The following CFTR variants were observed in gnomAD, a reference collection of about 807,000 sequenced individuals.
CFTR encodes the protein cystic fibrosis transmembrane conductance regulator.
CFTR carries 181 observed loss-of-function variants against 171.6 expected under a neutral mutation model. The observed-to-expected ratio is 1.05, with a 90% CI of 0.93 to 1.19. The LOEUF is 1.19. CFTR is among the 50% of genes most tolerant of loss of function. The probability of loss-of-function intolerance (pLI) is 0.00; values close to 1 mark genes in which losing one functional copy is unlikely to be tolerated. For synonymous variants in CFTR, 583 were observed against 608.0 expected (o/e 0.96, Z 0.60); for missense variants, 1,968 against 1,734.7 (o/e 1.13, Z -2.39).
intron 1 of CFTR, among the ~76,000 whole-genome samples, chr7:117,490,566 G>T (rs1798145591): frequency 6.6e-6 from 1 of 151,982 alleles, no homozygotes; most frequent in African/African-American, 2.4e-5. Flanking sequence ...CTTTATTAGT[G>T]AGGGCAATCT....
At chr7:117,562,344 A>C (rs1398944789) in intron 11 of CFTR, among the ~76,000 whole-genome samples, 1 of 152,178 alleles carries the variant, frequency 6.6e-6, no homozygotes, top group African/African-American at 2.4e-5. Context: ...CCAAAGTATT[A>C]TGAAAAAGCA....
chr7:117,541,543 T>A (rs1357431595), intron 8 of CFTR, among the ~76,000 whole-genome samples: 1 of 152,178 alleles, frequency 6.6e-6, no homozygotes, highest in Admixed American at 6.5e-5. Context: ...AGAATCACAG[T>A]TTGATGCCTT....
chr7:117,535,780 C>T (rs989572608), intron 6 of CFTR, among the ~76,000 whole-genome samples: 1 of 152,064 alleles, frequency 6.6e-6, no homozygotes, highest in South Asian at 2.1e-4. Context: ...GTGATCCGCC[C>T]ACCTCGGCCT....
rs184960129 is a variant in CFTR at position 117,661,139 on chromosome 7, A to G, written c.3964-3549A>G. Among the ~76,000 whole-genome samples, 20 of 152,348 alleles carry G rather than the reference A, an allele frequency of 1.3e-4. No homozygotes were observed. The East Asian group carries it at 3.7e-3, about 28-fold the overall frequency. On this transcript the variant is annotated intron_variant, in intron 24 of 26. Coordinates refer to ENST00000003084, the MANE Select transcript of CFTR (RefSeq NM_000492.4). Reference sequence around the variant, plus strand: ...AACCTATTAGCATGTCTGGCAGAAAATAGATACTTAATAAATTTCTTAAAT... The same window carrying G: ...AACCTATTAGCATGTCTGGCAGAAAGTAGATACTTAATAAATTTCTTAAAT...
intron 21 of CFTR, among the ~76,000 whole-genome samples, chr7:117,624,714 G>A (rs1355906577): frequency 6.6e-6 from 1 of 152,132 alleles, no homozygotes; most frequent in African/African-American, 2.4e-5. Flanking sequence ...GGTGAGGAGA[G>A]TGACTGCTTC....
chr7:117,653,052 G>C (rs1345415350), intron 24 of CFTR, 121 bp downstream of exon 24: 2 of 741,460 alleles, frequency 2.7e-6, no homozygotes, highest in Non-Finnish European at 5.0e-6. Flanking sequence ...ACTTTAAAAT[G>C]GAGTACCCTA....
chr7:117,519,341 C>A (rs1798649740), intron 3 of CFTR, among the ~76,000 whole-genome samples: 1 of 152,000 alleles, frequency 6.6e-6, no homozygotes, highest in South Asian at 2.1e-4. Flanking sequence ...AGCCCAAAAA[C>A]TATTGTCAGA....
intron 15 of CFTR, among the ~76,000 whole-genome samples, chr7:117,601,545 T>G (rs1431581123): frequency 6.6e-6 from 1 of 152,158 alleles, no homozygotes; most frequent in Admixed American, 6.5e-5. Flanking sequence ...CTGTTAAATA[T>G]TTAAGGCAAA....
intron 11 of CFTR, chr7:117,560,593 G>C (rs947494705): frequency 6.6e-6 from 1 of 151,882 alleles, no homozygotes; most frequent in Non-Finnish European, 1.5e-5. Flanking sequence ...TTATAAAAAG[G>C]GTTGCATGCT....
rs1003216212 is a variant in CFTR, at chr7:117,540,460, C to A, written c.1116+114C>A. On this transcript the variant is annotated intron_variant, in intron 8 of 26. Transcript: ENST00000003084. ...AAGATAGAAAAAGAAATTTCCTTCA[C>A]TAGGAAGTTATAAAAGTTGCCAGCT... The A allele has an allele frequency of 3.1e-6, 3 of 981,692 alleles. No homozygotes were observed. In the African/African-American group the frequency reaches 4.9e-5, roughly 16 times the overall value. 60.8% of individuals were successfully genotyped at this position (981,692 alleles called of 1,614,324 possible).
At chr7:117,511,716 A>G (rs1466964294) in intron 3 of CFTR, among the ~76,000 whole-genome samples, 1 of 152,240 alleles carries the variant, frequency 6.6e-6, no homozygotes, top group African/African-American at 2.4e-5. Context: ...CGCTGACACC[A>G]TGCAGTTTTA....
At chr7:117,509,933 A>G (rs1008780391) in intron 3 of CFTR, among the ~76,000 whole-genome samples, 4 of 152,106 alleles carry the variant, frequency 2.6e-5, no homozygotes, top group Admixed American at 2.6e-4. Flanking sequence ...TTGTGTTTAT[A>G]TTGGTCTTTA....
chr7:117,491,498 G>A (rs572754794), intron 1 of CFTR, among the ~76,000 whole-genome samples: 2 of 152,048 alleles, frequency 1.3e-5, no homozygotes, highest in African/African-American at 4.8e-5. Context: ...CAAGATCAAG[G>A]TGTTGGCAGG....
At chr7:117,520,265 GTT>G (rs200994526) in intron 3 of CFTR, among the ~76,000 whole-genome samples, 18 of 122,902 alleles carry the variant, frequency 1.5e-4, no homozygotes, top group Non-Finnish European at 2.1e-4. Flanking sequence ...TTTCTAGTGA[GTT>G]TTTTTTTTTT....
Position 117,498,768 on chromosome 7 carries a change from A to C in CFTR, c.54-5485A>C, listed in dbSNP as rs546771544. Among the ~76,000 whole-genome samples, 16 of 152,052 alleles carry C rather than the reference A, an allele frequency of 1.1e-4. 1 individual carries two copies. Among genetic ancestry groups the C allele is most frequent in the African/African-American group, 2.4e-4 (10 of 41,490 alleles). ...CTAGAAGTTTGGGATTTATGATCAC[A>C]ATCTTTTCCAATGAGTCCCCTCTTT... is the stretch of plus-strand genomic sequence containing the variant. On this transcript the variant is annotated intron_variant, in intron 1 of 26. Coordinates refer to ENST00000003084, the MANE Select transcript of CFTR (RefSeq NM_000492.4).
chr7:117,501,511 C>T (rs1337521907), intron 1 of CFTR, among the ~76,000 whole-genome samples: 2 of 151,602 alleles, frequency 1.3e-5, no homozygotes, highest in African/African-American at 2.4e-5. Context: ...TTTGGGAGAC[C>T]GAGGCAGGTG....
chr7:117,559,543 G>A lies in CFTR; in HGVS notation c.1472G>A (p.Cys491Tyr). Residue 491 changes from cysteine (C) to tyrosine (Y), a missense_variant, in exon 11 of 27, where the codon TGT becomes TAT. By Grantham distance (194) the Cys-to-Tyr change is radical (BLOSUM62 -2). Coordinates refer to ENST00000003084, the MANE Select transcript of CFTR (RefSeq NM_000492.4). The stretch of plus-strand genomic sequence containing the variant: ...AAGCACAGTGGAAGAATTTCATTCT[G>A]TTCTCAGTTTTCCTGGATTATGCCT... ...KIKHSGRISF[C>Y]SQFSWIMPGT... is the part of the protein sequence containing the mutation. 6.2e-7 allele frequency: 1 copy of A among 1,611,894 alleles called. No homozygotes were observed. Among genetic ancestry groups the A allele is most frequent in the Non-Finnish European group, 8.5e-7 (1 of 1,178,226 alleles).
At chr7:117,659,727 C>T (rs536171783) in intron 24 of CFTR, among the ~76,000 whole-genome samples, 12 of 152,268 alleles carry the variant, frequency 7.9e-5, no homozygotes, top group Non-Finnish European at 1.3e-4. Flanking sequence ...TAGTTTCCAT[C>T]CTTACTCATT....
At chr7:117,666,265 A>G (rs1487692509) in intron 26 of CFTR, among the ~76,000 whole-genome samples, 1 of 152,198 alleles carries the variant, frequency 6.6e-6, no homozygotes, top group Non-Finnish European at 1.5e-5. Context: ...TGGTTTAGTC[A>G]CAAGGAAGTT....
Sources: allele counts gnomAD v4.1 joint callset (sites outside exome capture counted in the v4.1 genomes callset), GRCh38; gene constraint gnomAD v4.1.1; transcripts MANE v1.5; gene names NCBI Gene and HGNC (gene_info 2026-07-23, HGNC 2026-07-21).